RAF1: variants seen among roughly 807,000 people sequenced by gnomAD.
The protein encoded by RAF1 is RAF proto-oncogene serine/threonine-protein kinase.
RAF1 carries 27 observed loss-of-function variants against 81.1 expected under a neutral mutation model. The observed-to-expected ratio is 0.33, with a 90% confidence interval of 0.25 to 0.46. The LOEUF is 0.46. Among genes scored for constraint, RAF1 ranks in the 20% least tolerant of loss-of-function variants. RAF1 has a pLI of 1.00. For synonymous variants in RAF1, 298 were observed against 294.0 expected (o/e 1.01, Z -0.14); for missense variants, 598 against 826.0 (o/e 0.72, Z 3.38).
In RAF1 at chr3:12,663,765, C is replaced by A. The variant is rs1173361109; in HGVS notation, c.-27+48G>T. On this transcript the variant is annotated intron_variant, in intron 1 of 17. Transcript: ENST00000442415. ...TCGCCCTGGAAGCCGATCCCTCAGC[C>A]CCGCCGCCCGGCTCCCCCGGCATCC... 1.8e-5 allele frequency: 7 copies of A among 396,104 alleles called. No individual in the cohort carries two copies. In the East Asian group the frequency reaches 2.1e-4, roughly 12 times the overall value. 24.5% of individuals were successfully genotyped at this position (396,104 alleles called of 1,614,324 possible).
At position 12,618,669 on chromosome 3, in the gene RAF1, T is replaced by G. The variant is rs150944421; in HGVS notation, c.53A>C (p.Lys18Thr). 6.2e-7 allele frequency: 1 copy of G among 1,614,122 alleles called. No individual in the cohort carries two copies. Among genetic ancestry groups the G allele is most frequent in the African/African-American group, 1.3e-5 (1 of 74,934 alleles). Residue 18 changes from lysine (K) to threonine (T), a missense_variant, in exon 2 of 18, where the codon AAA (lysine) becomes ACA (threonine). Around this residue, in one of 5 missense-constraint regions of RAF1, gnomAD observed 83 missense variants for 72.3 expected, o/e 1.15. Coordinates refer to ENST00000442415, the MANE Select transcript of RAF1 (RefSeq NM_001354689.3). ...GCTGGAGCCATCAAACACGGCATCT[T>G]TGAATCCAAAACCATTGCTGATCGT... is the stretch of plus-strand genomic sequence containing the variant.
chr3:12,652,047 T>C (rs2060546597), intron 1 of RAF1, among the ~76,000 whole-genome samples: 1 of 149,312 alleles, frequency 6.7e-6, no homozygotes. Flanking sequence ...AATAAATAAA[T>C]AAATAAATGA....
rs2125316729 is a variant in RAF1, at chr3:12,584,607, C to G, written c.1914G>C (p.Arg638=). 2.5e-6 allele frequency: 4 copies of G among 1,614,064 alleles called. No individual in the cohort carries two copies. In the Admixed American group the frequency reaches 5.0e-5, roughly 20 times the overall value. The change falls in exon 18 of 18, where the codon CGG becomes CGC. Residue 638 remains arginine (R), a synonymous_variant. Coordinates refer to ENST00000442415, the MANE Select transcript of RAF1 (RefSeq NM_001354689.3). ...GATGCAAGGATGGCTCGGAAGCGCT[C>G]CGGTTGATCTTCGGTAGAGAGTGTT...
chr3:12,625,884 A>C (rs1200159856), intron 1 of RAF1, among the ~76,000 whole-genome samples: 1 of 152,174 alleles, frequency 6.6e-6, no homozygotes, highest in Non-Finnish European at 1.5e-5. Context: ...ACCTGTCACC[A>C]ATACCAATAC....
At chr3:12,654,100 T>C (rs1372071554) in intron 1 of RAF1, among the ~76,000 whole-genome samples, 4 of 151,510 alleles carry the variant, frequency 2.6e-5, no homozygotes, top group African/African-American at 9.7e-5. Flanking sequence ...CAAACAATCC[T>C]CTCTCCTCAG....
At chr3:12,624,510 C>T (rs539873508) in intron 1 of RAF1, among the ~76,000 whole-genome samples, 1 of 152,172 alleles carries the variant, frequency 6.6e-6, no homozygotes, top group Admixed American at 6.5e-5. Context: ...TGACTAAAGG[C>T]CCCATGTTAA....
chr3:12,587,414 C>G, intron 14 of RAF1, 177 bp downstream of exon 13: 1 of 701,536 alleles, frequency 1.4e-6, no homozygotes, highest in Non-Finnish European at 2.6e-6. Context: ...GAGGCATAAG[C>G]TGCTGAGGGA....
intron 1 of RAF1, among the ~76,000 whole-genome samples, chr3:12,650,425 G>C (rs1025478828): frequency 5.9e-5 from 9 of 152,048 alleles, no homozygotes; most frequent in African/African-American, 2.2e-4. Context: ...ATAGGACATT[G>C]CACAAAATTA....
chr3:12,637,247 A>G (rs763414333), intron 1 of RAF1, among the ~76,000 whole-genome samples: 2 of 152,132 alleles, frequency 1.3e-5, no homozygotes, highest in Non-Finnish European at 2.9e-5. Context: ...CAATCTTTCA[A>G]CTTCTGAGAA....
At chr3:12,623,623 C>G (rs969637050) in intron 1 of RAF1, among the ~76,000 whole-genome samples, 2 of 151,696 alleles carry the variant, frequency 1.3e-5, no homozygotes, top group African/African-American at 4.8e-5. Context: ...GGGTGAAACC[C>G]CTCTACTAAA....
chr3:12,625,688 T>C (rs1024208736), intron 1 of RAF1, among the ~76,000 whole-genome samples: 3 of 144,316 alleles, frequency 2.1e-5, no homozygotes, highest in African/African-American at 8.0e-5. Flanking sequence ...GCTGAAGGTC[T>C]AAGTGAAAGA....
chr3:12,641,490 GTTTTTTT>G (rs747472648), intron 1 of RAF1, among the ~76,000 whole-genome samples: 2 of 134,614 alleles, frequency 1.5e-5, no homozygotes, highest in Non-Finnish European at 3.2e-5. Flanking sequence ...ATGTTTTTTG[GTTTTTTT>G]TTTTTTTTTT....
rs148831868 is a variant in RAF1, at chr3:12,655,005, C to CCT, written c.-27+8807_-27+8808insAG. On this transcript the variant is annotated intron_variant, in intron 1 of 17. Coordinates refer to ENST00000442415, the MANE Select transcript of RAF1 (RefSeq NM_001354689.3). ...AACCTGGTAAACATAGTGAGACCCCCCCCCCGCCATCTCTAAAATAGTAAA... is the reference window on the plus strand; with the variant it reads ...AACCTGGTAAACATAGTGAGACCCCCCTCCCCCGCCATCTCTAAAATAGTAAA... Among the ~76,000 whole-genome samples, 1,760 of 147,768 alleles carry CCT rather than the reference C, an allele frequency of 0.012. 172 individuals carry two copies. In the East Asian group the frequency reaches 0.23, roughly 20 times the overall value.
At chr3:12,643,593 A>G (rs1467261178) in intron 1 of RAF1, among the ~76,000 whole-genome samples, 1 of 151,910 alleles carries the variant, frequency 6.6e-6, no homozygotes, top group Non-Finnish European at 1.5e-5. Context: ...ATACAAAATT[A>G]GGCGTGGTGG....
At chr3:12,634,966 T>C (rs902327731) in intron 1 of RAF1, among the ~76,000 whole-genome samples, 1 of 152,090 alleles carries the variant, frequency 6.6e-6, no homozygotes, top group Non-Finnish European at 1.5e-5. Flanking sequence ...ATACAAGATA[T>C]AAACTAAAAC....
chr3:12,633,684 C>T (rs895185090), intron 1 of RAF1, among the ~76,000 whole-genome samples: 1 of 151,010 alleles, frequency 6.6e-6, no homozygotes, highest in Admixed American at 6.6e-5. Flanking sequence ...GCCTGTAATC[C>T]CAGCACTTTG....
chr3:12,662,239 G>C (rs536355308), intron 1 of RAF1, among the ~76,000 whole-genome samples: 122 of 150,202 alleles, frequency 8.1e-4, no homozygotes, highest in Non-Finnish European at 1.5e-3. Context: ...GGAGGCAAAG[G>C]CAGGAGAACT....
intron 1 of RAF1, among the ~76,000 whole-genome samples, chr3:12,660,804 G>C (rs1048204162): frequency 1.3e-5 from 2 of 152,006 alleles, no homozygotes; most frequent in Admixed American, 6.6e-5. Context: ...GTGAAATCCC[G>C]TCTCTACTAA....
chr3:12,617,662 G>A (rs1022640822), intron 2 of RAF1, among the ~76,000 whole-genome samples: 6 of 151,672 alleles, frequency 4.0e-5, no homozygotes, highest in Non-Finnish European at 8.8e-5. Flanking sequence ...GAGGCAGGTG[G>A]ATTACCTGAG....
Sources: allele counts gnomAD v4.1 joint callset (sites outside exome capture counted in the v4.1 genomes callset), GRCh38; gene constraint gnomAD v4.1.1; regional missense constraint gnomAD v4.1.1; transcripts MANE v1.5; gene names NCBI Gene and HGNC (gene_info 2026-07-23, HGNC 2026-07-21).